CSNK1G3: variants seen among roughly 807,000 people sequenced by gnomAD.
CSNK1G3 encodes the protein casein kinase 1 gamma 3.
CSNK1G3 carries 23 observed loss-of-function variants against 64.3 expected under a neutral mutation model. The observed-to-expected ratio is 0.36, with a 90% CI of 0.26 to 0.51. The LOEUF (loss-of-function observed/expected upper bound fraction) is 0.51, where lower values mean the gene tolerates loss of function less well. CSNK1G3 is among the 20% of genes least tolerant of loss of function. CSNK1G3 has a pLI of 0.96. For synonymous variants in CSNK1G3, 158 were observed against 162.2 expected (o/e 0.97, Z 0.20); for missense variants, 357 against 510.5 (o/e 0.70, Z 2.90).
At position 123,601,543 on chromosome 5, in the gene CSNK1G3, A is replaced by G. The variant is rs1794499112; in HGVS notation, c.1087-3181A>G. Among the ~76,000 whole-genome samples the G allele has an allele frequency of 2.0e-5, 3 of 152,206 alleles. No homozygotes were observed. In the South Asian group the frequency reaches 6.2e-4, roughly 31 times the overall value. On this transcript the variant is annotated intron_variant, in intron 10 of 12. Coordinates refer to ENST00000345990, the Ensembl canonical transcript of CSNK1G3. ...TCAACCAGGTAAAATGGGGTTTGAA[A>G]CATTTCAATAAAATAAAGTTTACCA... is the stretch of plus-strand genomic sequence containing the variant.
exon 7 of CSNK1G3, chr5:123,588,153 G>A (rs1791667071): frequency 6.3e-7 from 1 of 1,590,528 alleles, no homozygotes; most frequent in Non-Finnish European, 8.6e-7. Flanking sequence ...AAGGCTTAAA[G>A]GTAATTGTTT....
chr5:123,574,208 A>G (rs763205086), intron 5 of CSNK1G3, among the ~76,000 whole-genome samples: 1 of 152,200 alleles, frequency 6.6e-6, no homozygotes, highest in African/African-American at 2.4e-5. Flanking sequence ...CAAGAGGCAG[A>G]CTAATGAGAG....
chr5:123,590,377 G>C, intron 8 of CSNK1G3, 33 bp from the exon 9 acceptor site: 13 of 1,157,024 alleles, frequency 1.1e-5, no homozygotes, highest in Non-Finnish European at 1.5e-5. Context: ...TTAAAGAAAA[G>C]TATAGTCCAA....
exon 10 of CSNK1G3, chr5:123,591,405 CAAA>C (rs773283722): frequency 6.2e-7 from 1 of 1,604,844 alleles, no homozygotes; most frequent in Non-Finnish European, 8.5e-7. Context: ...TGCAACAATC[CAAA>C]AACCAGGTTT....
chr5:123,589,541 A>G (rs1261759914), intron 8 of CSNK1G3, among the ~76,000 whole-genome samples: 3 of 152,144 alleles, frequency 2.0e-5, no homozygotes, highest in African/African-American at 4.8e-5. Flanking sequence ...TTGTTGCCTC[A>G]TTGTGCTGGG....
Position 123,616,073 on chromosome 5 carries a change from T to A in CSNK1G3, c.*1677T>A, listed in dbSNP as rs1749397784. On this transcript the variant is annotated 3_prime_UTR_variant, in exon 13 of 13. Transcript: ENST00000345990. ...TGTTTATCATTGTTGCTATGAATCC[T>A]ATGAATGATCTTTTTTTTATTTTAA... is the stretch of plus-strand genomic sequence containing the variant. 3 of 152,266 alleles carry A rather than the reference T, an allele frequency of 2.0e-5. No individual in the cohort carries two copies. The South Asian group carries it at 6.2e-4, about 32-fold the overall frequency. 9.4% of individuals were successfully genotyped at this position (152,266 alleles called of 1,614,324 possible).
intron 4 of CSNK1G3, among the ~76,000 whole-genome samples, chr5:123,571,275 G>GT (rs1489292791): frequency 6.6e-6 from 1 of 151,938 alleles, no homozygotes; most frequent in Non-Finnish European, 1.5e-5. Flanking sequence ...TTTTTTGTTT[G>GT]TTTGTTTTGT....
chr5:123,602,468 T>C (rs1933553276), intron 10 of CSNK1G3, among the ~76,000 whole-genome samples: 1 of 152,194 alleles, frequency 6.6e-6, no homozygotes, highest in Non-Finnish European at 1.5e-5. Flanking sequence ...CTTAGAAATA[T>C]GAGGTACTAT....
chr5:123,554,590 G>A (rs186722568), intron 3 of CSNK1G3, among the ~76,000 whole-genome samples: 1 of 152,320 alleles, frequency 6.6e-6, no homozygotes, highest in Admixed American at 6.5e-5. Context: ...GCCTCCCAAA[G>A]TGCTGGGATT....
intron 1 of CSNK1G3, among the ~76,000 whole-genome samples, chr5:123,528,877 C>T (rs1779479005): frequency 6.6e-6 from 1 of 152,200 alleles, no homozygotes; most frequent in Admixed American, 6.5e-5. Context: ...TAATCCCAGT[C>T]ATTCACAGAC....
At chr5:123,540,186 C>A (rs1480231648) in intron 1 of CSNK1G3, among the ~76,000 whole-genome samples, 1 of 151,856 alleles carries the variant, frequency 6.6e-6, no homozygotes, top group East Asian at 1.9e-4. Context: ...ATCCAGTTTG[C>A]CACTGAGTGT....
At chr5:123,564,114 A>G (rs1786337227) in intron 4 of CSNK1G3, among the ~76,000 whole-genome samples, 2 of 152,120 alleles carry the variant, frequency 1.3e-5, no homozygotes, top group South Asian at 2.1e-4. Context: ...ATGTGAATAT[A>G]TACTTACATT....
chr5:123,574,542 A>G (rs545114502), intron 5 of CSNK1G3, among the ~76,000 whole-genome samples: 2 of 152,192 alleles, frequency 1.3e-5, no homozygotes, highest in Middle Eastern at 3.4e-3. Flanking sequence ...TTTATAGGCT[A>G]GGTGTGGTGG....
In CSNK1G3 at chr5:123,597,266, A is replaced by G. The variant is rs1405259539; in HGVS notation, c.1086+5852A>G. Among the ~76,000 whole-genome samples, 9 of 152,304 alleles carry G rather than the reference A, an allele frequency of 5.9e-5. No homozygotes were observed. In the East Asian group the frequency reaches 1.7e-3, roughly 29 times the overall value. ...GAACAAACTTTCAAGCATTGGCTTT[A>G]CAGGAGATGCAAAGACTTTATATGG... is the stretch of plus-strand genomic sequence containing the variant. On this transcript the variant is annotated intron_variant, in intron 10 of 12. Coordinates refer to ENST00000345990, the Ensembl canonical transcript of CSNK1G3.
chr5:123,600,285 TATCAAGGTTCTACTTAGTA>T (rs1370889543), intron 10 of CSNK1G3, among the ~76,000 whole-genome samples: 1 of 152,170 alleles, frequency 6.6e-6, no homozygotes, highest in East Asian at 1.9e-4. Flanking sequence ...TCATACATTG[TATCAAGGTTCTACTTAGTA>T]ATCTTGCTTA....
intron 1 of CSNK1G3, among the ~76,000 whole-genome samples, chr5:123,537,341 T>C (rs562513732): frequency 6.6e-6 from 1 of 151,668 alleles, no homozygotes; most frequent in African/African-American, 2.4e-5. Context: ...AAGTCAGATA[T>C]CACATGTTCT....
exon 10 of CSNK1G3, chr5:123,591,353 C>T (rs762163491): frequency 6.2e-7 from 1 of 1,610,158 alleles, no homozygotes; most frequent in Non-Finnish European, 8.5e-7. Context: ...CAAGATCCTG[C>T]TCTGTCATCA....
exon 2 of CSNK1G3, chr5:123,545,709 G>C (rs745618803): frequency 1.2e-6 from 2 of 1,613,458 alleles, no homozygotes; most frequent in Non-Finnish European, 1.7e-6. Flanking sequence ...TGATAGAATG[G>C]CACGACCTAG....
At chr5:123,528,150 A>G (rs1203022784) in intron 1 of CSNK1G3, among the ~76,000 whole-genome samples, 2 of 152,164 alleles carry the variant, frequency 1.3e-5, no homozygotes, top group Non-Finnish European at 2.9e-5. Context: ...TTTAATGAAG[A>G]GAATATGCAT....
Sources: gnomAD v4.1 joint callset for allele counts (sites outside exome capture counted in the v4.1 genomes callset) on GRCh38, gnomAD v4.1.1 for gene constraint, MANE v1.5 for transcripts, NCBI Gene and HGNC (gene_info 2026-07-23, HGNC 2026-07-21) for gene names.